Variants in CDC42BPA observed in about 807,000 individuals in gnomAD.
CDC42BPA encodes serine/threonine-protein kinase MRCK alpha.
CDC42BPA carries 80 observed loss-of-function variants against 223.5 expected under a neutral mutation model. The observed-to-expected ratio is 0.36, with a 90% CI of 0.30 to 0.43. CDC42BPA has a LOEUF of 0.43. Ranked by LOEUF, CDC42BPA falls within the 20% of genes least tolerant of loss-of-function variation. CDC42BPA has a pLI of 1.00. For missense variants in CDC42BPA, 1,743 were observed against 2,099.9 expected, an observed-to-expected ratio of 0.83 and a Z score of 3.32; for synonymous variants, 694 against 718.6, an observed-to-expected ratio of 0.97 and a Z score of 0.55.
intron 12 of CDC42BPA, among the ~76,000 whole-genome samples, chr1:227,117,287 T>C (rs1248530477): frequency 1.3e-5 from 2 of 152,250 alleles, no homozygotes; most frequent in Admixed American, 1.3e-4. Context: ...GTAATGATGT[T>C]AATTCTCCCT....
At chr1:227,155,915 G>A (rs1046015709) in intron 6 of CDC42BPA, among the ~76,000 whole-genome samples, 1 of 152,100 alleles carries the variant, frequency 6.6e-6, no homozygotes, top group Non-Finnish European at 1.5e-5. Context: ...TACCATGGTA[G>A]GATAGTATGA....
intron 5 of CDC42BPA, among the ~76,000 whole-genome samples, chr1:227,190,306 C>T (rs944828322): frequency 4.6e-5 from 7 of 152,128 alleles, no homozygotes; most frequent in African/African-American, 1.4e-4. Context: ...CTAGGCTATG[C>T]TACTTACTAA....
At chr1:227,093,078 CAT>C (rs983320706) in intron 15 of CDC42BPA, among the ~76,000 whole-genome samples, 9 of 152,172 alleles carry the variant, frequency 5.9e-5, no homozygotes, top group South Asian at 2.1e-4. Context: ...AACTGAGAAA[CAT>C]GTGTTGCATT....
chr1:227,065,837 A>T (rs897615568), intron 21 of CDC42BPA, among the ~76,000 whole-genome samples: 3 of 152,176 alleles, frequency 2.0e-5, no homozygotes, highest in Non-Finnish European at 4.4e-5. Context: ...TAATATGTTG[A>T]TACCAAAGGA....
chr1:227,089,487 C>T (rs1486564538), intron 16 of CDC42BPA, among the ~76,000 whole-genome samples: 1 of 152,078 alleles, frequency 6.6e-6, no homozygotes, highest in Admixed American at 6.6e-5. Context: ...AATAGAGATT[C>T]CAGATCTCTC....
chr1:227,156,107 T>A (rs1662693326), intron 6 of CDC42BPA, among the ~76,000 whole-genome samples: 1 of 150,012 alleles, frequency 6.7e-6, no homozygotes, highest in Non-Finnish European at 1.5e-5. Context: ...TAAAATAAAG[T>A]TTCTTCATTA....
intron 23 of CDC42BPA, among the ~76,000 whole-genome samples, chr1:227,040,846 T>C (rs1043280873): frequency 2.0e-5 from 3 of 152,180 alleles, no homozygotes; most frequent in Non-Finnish European, 2.9e-5. Context: ...TAGTTAAAGG[T>C]ATCTTAGTCT....
At position 227,016,127 on chromosome 1, in the gene CDC42BPA, G is replaced by A. The variant is rs1666190059; in HGVS notation, c.4810C>T (p.His1604Tyr). 1 of 1,604,920 alleles carries A rather than the reference G, an allele frequency of 6.2e-7. No homozygotes were observed. The highest frequency in any genetic ancestry group is 8.5e-7 in the Non-Finnish European group (1 of 1,172,088). ...SNPTNFNHIA[H>Y]MGPGDGIQIL... ...TGTATTCCATCTCCAGGACCCATGT[G>A]TGCTATGTGATTAAAATTAGTTGGA... is the stretch of plus-strand genomic sequence containing the variant. Residue 1604 changes from histidine (H) to tyrosine (Y), a missense_variant, in exon 34 of 37, where the codon CAC (histidine) becomes TAC (tyrosine). Physicochemically the swap from His to Tyr is moderately conservative, Grantham distance 83. Coordinates refer to ENST00000366766, the MANE Select transcript of CDC42BPA (RefSeq NM_001394014.1).
chr1:227,249,851 CA>C (rs200086277), intron 2 of CDC42BPA, among the ~76,000 whole-genome samples: 8 of 151,234 alleles, frequency 5.3e-5, no homozygotes, highest in African/African-American at 1.9e-4. Flanking sequence ...TTAATGAGTA[CA>C]AAAAAAACAG....
At chr1:227,080,866 C>CA (rs1166286832) in intron 17 of CDC42BPA, 27 bp downstream of exon 17, 10 of 1,611,980 alleles carry the variant, frequency 6.2e-6, no homozygotes, top group Admixed American at 1.7e-5. Context: ...CAATCATCCA[C>CA]AAAAAAACGT....
chr1:227,006,689 C>T (rs1453694913), intron 34 of CDC42BPA, among the ~76,000 whole-genome samples: 10 of 152,152 alleles, frequency 6.6e-5, no homozygotes, highest in Admixed American at 6.5e-4. Flanking sequence ...GTAATCCCAG[C>T]ACTTTGGGAG....
At chr1:227,061,842 T>C (rs1447555215) in intron 21 of CDC42BPA, among the ~76,000 whole-genome samples, 3 of 152,214 alleles carry the variant, frequency 2.0e-5, no homozygotes, top group Non-Finnish European at 4.4e-5. Flanking sequence ...AATCTGCCCC[T>C]TGGGGAATCT....
chr1:227,056,090 C>A (rs748882189), intron 21 of CDC42BPA, among the ~76,000 whole-genome samples: 1 of 151,998 alleles, frequency 6.6e-6, no homozygotes, highest in African/African-American at 2.4e-5. Flanking sequence ...TTTAGATGAC[C>A]CACTTATCAA....
At chr1:227,088,756 C>T (rs932808531) in intron 16 of CDC42BPA, among the ~76,000 whole-genome samples, 14 of 152,226 alleles carry the variant, frequency 9.2e-5, no homozygotes, top group African/African-American at 2.2e-4. Context: ...GACAGACTGT[C>T]GCTCTGTCGC....
chr1:227,232,577 G>A (rs1678190924), intron 2 of CDC42BPA, among the ~76,000 whole-genome samples: 1 of 152,184 alleles, frequency 6.6e-6, no homozygotes, highest in Non-Finnish European at 1.5e-5. Context: ...TGATGGTGAT[G>A]TACAGATGGG....
chr1:227,031,080 G>A (rs1013903848), intron 28 of CDC42BPA, among the ~76,000 whole-genome samples: 2 of 151,412 alleles, frequency 1.3e-5, no homozygotes, highest in African/African-American at 4.9e-5. Flanking sequence ...TGTTTTTTCA[G>A]GAAAAAAAAG....
rs377160609 is a variant in CDC42BPA, at chr1:227,000,640, C to T, written c.4975+4354G>A. Among the ~76,000 whole-genome samples the T allele has an allele frequency of 2.0e-5, 3 of 152,306 alleles. No individual in the cohort carries two copies. The East Asian group carries it at 5.8e-4, about 29-fold the overall frequency. ...TAACATGCAAGACAGAAGGTGTGTG[C>T]TGGCCCACACTGTGCTTCTGGTCTT... On this transcript the variant is annotated intron_variant, in intron 35 of 36. Transcript: ENST00000366766.
At chr1:227,028,184 A>G (rs887127754) in intron 30 of CDC42BPA, among the ~76,000 whole-genome samples, 5 of 152,178 alleles carry the variant, frequency 3.3e-5, no homozygotes, top group Non-Finnish European at 5.9e-5. Flanking sequence ...GGGTAAAATA[A>G]GCAATTATAA....
intron 23 of CDC42BPA, among the ~76,000 whole-genome samples, chr1:227,044,612 G>A (rs546945061): frequency 1.3e-5 from 2 of 152,214 alleles, no homozygotes; most frequent in South Asian, 2.1e-4. Flanking sequence ...GGCAGAGCTG[G>A]GGTGGAAAGC....
Sources: gnomAD v4.1 joint callset for allele counts (sites outside exome capture counted in the v4.1 genomes callset) on GRCh38, gnomAD v4.1.1 for gene constraint, MANE v1.5 for transcripts, NCBI Gene and HGNC (gene_info 2026-07-23, HGNC 2026-07-21) for gene names.